Variants in ITGB6 observed in about 807,000 individuals in gnomAD.
ITGB6 encodes the protein integrin subunit beta 6.
In ITGB6, 80 loss-of-function variants were observed where a neutral mutation model predicts 84.5. The ratio of observed to expected loss-of-function variants is 0.95; its 90% CI spans 0.79 to 1.14. The LOEUF (loss-of-function observed/expected upper bound fraction) is 1.14, where lower values mean the gene tolerates loss of function less well. Among genes scored for constraint, ITGB6 ranks in the 50% most tolerant of loss-of-function variants. The probability of loss-of-function intolerance (pLI) is 0.00; values close to 1 mark genes in which losing one functional copy is unlikely to be tolerated. For synonymous variants in ITGB6, 383 were observed against 354.9 expected (o/e 1.08, Z -0.89); for missense variants, 1,006 against 968.0 (o/e 1.04, Z -0.52).
chr2:160,182,728 AGG>A (rs1195811492), intron 4 of ITGB6, among the ~76,000 whole-genome samples: 1 of 152,226 alleles, frequency 6.6e-6, no homozygotes, highest in Admixed American at 6.5e-5. Context: ...AAAAATGTTA[AGG>A]GCAACCAGAG....
chr2:160,159,913 T>C (rs1684757128), intron 7 of ITGB6, among the ~76,000 whole-genome samples: 1 of 152,230 alleles, frequency 6.6e-6, no homozygotes, highest in African/African-American at 2.4e-5. Context: ...TATTTCCCCC[T>C]ACTAGATTAC....
At chr2:160,126,316 C>A in intron 11 of ITGB6, 63 bp downstream of exon 11, 1 of 1,458,394 alleles carries the variant, frequency 6.9e-7, no homozygotes, top group Non-Finnish European at 9.6e-7. Context: ...TACAAAATGC[C>A]ACTGTAAGTT....
At chr2:160,105,389 T>C (rs558854466) in intron 14 of ITGB6, among the ~76,000 whole-genome samples, 119 of 152,348 alleles carry the variant, frequency 7.8e-4, no homozygotes, top group African/African-American at 2.8e-3. Context: ...AAAATGTTAT[T>C]TTAAAGATAT....
At chr2:160,152,704 A>T (rs561293741) in intron 7 of ITGB6, among the ~76,000 whole-genome samples, 29 of 152,262 alleles carry the variant, frequency 1.9e-4, no homozygotes, top group Middle Eastern at 3.4e-3. Context: ...AAACCCCATC[A>T]TCTCAGCCCA....
intron 7 of ITGB6, 63 bp downstream of exon 7, chr2:160,169,149 T>C (rs1048034357): frequency 3.3e-6 from 3 of 909,652 alleles, no homozygotes; most frequent in Non-Finnish European, 5.2e-6. Flanking sequence ...CTCACAGAGT[T>C]AATGTTAAAG....
At chr2:160,103,825 GA>G (rs1574028132) in intron 14 of ITGB6, among the ~76,000 whole-genome samples, 1 of 152,072 alleles carries the variant, frequency 6.6e-6, no homozygotes, top group Non-Finnish European at 1.5e-5. Context: ...AAGACACTTG[GA>G]AAGAGGACAC....
intron 12 of ITGB6, among the ~76,000 whole-genome samples, chr2:160,118,217 A>G (rs1256146126): frequency 6.6e-6 from 1 of 152,218 alleles, no homozygotes; most frequent in Non-Finnish European, 1.5e-5. Flanking sequence ...ACAAAAAAAG[A>G]GAATTTTAAA....
At chr2:160,130,669 C>T (rs528269383) in intron 10 of ITGB6, among the ~76,000 whole-genome samples, 1 of 152,168 alleles carries the variant, frequency 6.6e-6, no homozygotes, top group South Asian at 2.1e-4. Flanking sequence ...ATGATTTGGG[C>T]CAAAGCCATT....
chr2:160,134,016 A>T (rs138671742), intron 10 of ITGB6, among the ~76,000 whole-genome samples: 48 of 152,358 alleles, frequency 3.2e-4, no homozygotes, highest in African/African-American at 1.1e-3. Flanking sequence ...ATGAGCAAAC[A>T]CACTCAAAAC....
At chr2:160,171,469 G>A (rs749304762) in intron 6 of ITGB6, among the ~76,000 whole-genome samples, 2 of 151,882 alleles carry the variant, frequency 1.3e-5, no homozygotes, top group Middle Eastern at 3.4e-3. Context: ...CGAGTAGTTG[G>A]GACTACAGGC....
At chr2:160,119,759 C>T (rs1362776547) in intron 12 of ITGB6, among the ~76,000 whole-genome samples, 1 of 152,000 alleles carries the variant, frequency 6.6e-6, no homozygotes, top group Non-Finnish European at 1.5e-5. Flanking sequence ...ATTTTCGCAA[C>T]CTACTCATCT....
At chr2:160,195,679 A>G in intron 3 of ITGB6, 64 bp from the exon 4 acceptor site, 1 of 1,586,790 alleles carries the variant, frequency 6.3e-7, no homozygotes, top group Non-Finnish European at 8.6e-7. Context: ...GCTACTGGCC[A>G]CTCGCTGGGT....
At chr2:160,112,237 T>C in intron 12 of ITGB6, 38 bp from the exon 13 acceptor site, 1 of 1,565,040 alleles carries the variant, frequency 6.4e-7, no homozygotes, top group Non-Finnish European at 8.7e-7. Flanking sequence ...TTAAACAAGA[T>C]TCCAAAAGAG....
intron 14 of ITGB6, among the ~76,000 whole-genome samples, chr2:160,106,394 T>C (rs1185110646): frequency 6.6e-6 from 1 of 152,136 alleles, no homozygotes; most frequent in Non-Finnish European, 1.5e-5. Context: ...TGAACCACCA[T>C]GCCTGGCTAA....
chr2:160,107,993 G>A lies in ITGB6; in HGVS notation c.2102-148C>T, dbSNP rs867607089. On this transcript the variant is annotated intron_variant, in intron 13 of 14. Transcript: ENST00000283249. ...CGCCTTGCTTAAATTTTAAAAATGA[G>A]TTACTTGTTGAAGAATAGCCCTGCA... The A allele has an allele frequency of 1.9e-4, 121 of 627,240 alleles. 1 individual carries two copies. The Middle Eastern group carries it at 4.5e-3, about 24-fold the overall frequency. The allele number at this position is 627,240 out of a possible 1,614,324, so 38.9% of individuals were successfully genotyped here. A position where few individuals can be genotyped will look rare whatever the true frequency, so the allele number is the denominator to read the frequency against.
Position 160,126,681 on chromosome 2 carries a change from T to C in ITGB6, c.1661-80A>G, listed in dbSNP as rs965237397. 5.2e-6 allele frequency: 7 copies of C among 1,355,938 alleles called. No individual in the cohort carries two copies. The African/African-American group carries it at 8.7e-5, about 17-fold the overall frequency. The allele number at this position is 1,355,938 out of a possible 1,614,324, so 84.0% of individuals were successfully genotyped here. ...AGGGGGTGAGGGGCATCTTTTCTCTTTGTCTTTAAGCACCGTCATCAAAAG... is the reference window on the plus strand; with the variant it reads ...AGGGGGTGAGGGGCATCTTTTCTCTCTGTCTTTAAGCACCGTCATCAAAAG... On this transcript the variant is annotated intron_variant, in intron 10 of 14. Coordinates refer to ENST00000283249, the MANE Select transcript of ITGB6 (RefSeq NM_000888.5).
At chr2:160,112,030 TCTC>T (rs1190427569) in intron 13 of ITGB6, 47 bp downstream of exon 13, 1 of 1,572,022 alleles carries the variant, frequency 6.4e-7, no homozygotes, top group Non-Finnish European at 8.6e-7. Flanking sequence ...TGCTTTCTCT[TCTC>T]CTGTGTAGTA....
intron 7 of ITGB6, among the ~76,000 whole-genome samples, chr2:160,159,857 T>A (rs1210423991): frequency 6.6e-6 from 1 of 151,676 alleles, no homozygotes; most frequent in African/African-American, 2.4e-5. Context: ...TCGATAACAC[T>A]ATTAAAAGTT....
Position 160,106,757 on chromosome 2 carries a change from A to T in ITGB6, c.2268+922T>A, listed in dbSNP as rs75252926. Among the ~76,000 whole-genome samples, 348 of 152,362 alleles carry T rather than the reference A, an allele frequency of 2.3e-3. 1 individual carries two copies. The highest frequency in any genetic ancestry group is 7.9e-3 in the African/African-American group (327 of 41,582). The stretch of plus-strand genomic sequence containing the variant: ...AAACATCCCTTATCAAGATAAATTT[A>T]TCAAAAATGGAAAATTCCATTTGCT... On this transcript the variant is annotated intron_variant, in intron 14 of 14. Coordinates refer to ENST00000283249, the MANE Select transcript of ITGB6 (RefSeq NM_000888.5).
Sources: allele counts gnomAD v4.1 joint callset (sites outside exome capture counted in the v4.1 genomes callset), GRCh38; gene constraint gnomAD v4.1.1; transcripts MANE v1.5; gene names NCBI Gene and HGNC (gene_info 2026-07-23, HGNC 2026-07-21).